The following FOXP1 variants were observed in gnomAD, a reference collection of about 807,000 sequenced individuals.
The protein encoded by FOXP1 is forkhead box P1, also known as forkhead box protein P1.
A neutral mutation model predicts 98.2 loss-of-function variants in FOXP1; 15 were observed. The ratio of observed to expected loss-of-function variants is 0.15; its 90% confidence interval spans 0.10 to 0.24. The LOEUF (loss-of-function observed/expected upper bound fraction) is 0.24. Among genes scored for constraint, FOXP1 ranks in the 10% least tolerant of loss-of-function variants. The pLI, the probability that FOXP1 is intolerant of heterozygous loss-of-function variation, is 1.00. For missense variants in FOXP1, 633 were observed against 848.5 expected (o/e 0.75, Z 3.15); for synonymous variants, 371 against 314.5 (o/e 1.18, Z -1.90).
At chr3:71,483,135 A>C (rs2090409718) in intron 3 of FOXP1, among the ~76,000 whole-genome samples, 1 of 152,070 alleles carries the variant, frequency 6.6e-6, no homozygotes, top group Admixed American at 6.6e-5. Context: ...CACCACGCCC[A>C]GCCTTACGTC....
chr3:71,348,532 T>TGTGCGTGTGTGTGTGTGC (rs369062003), intron 4 of FOXP1, among the ~76,000 whole-genome samples: 13 of 139,272 alleles, frequency 9.3e-5, no homozygotes, highest in African/African-American at 3.2e-4. Context: ...CGTGTGTGTG[T>TGTGCGTGTGTGTGTGTGC]GTGTGTGTGT....
intron 5 of FOXP1, among the ~76,000 whole-genome samples, chr3:71,288,761 G>C (rs1387168900): frequency 1.3e-5 from 2 of 152,138 alleles, no homozygotes; most frequent in Non-Finnish European, 2.9e-5. Flanking sequence ...AGGGGTGGGG[G>C]AAAATGTGGT....
At chr3:71,438,688 C>A (rs139284985) in intron 3 of FOXP1, among the ~76,000 whole-genome samples, 4 of 151,728 alleles carry the variant, frequency 2.6e-5, no homozygotes, top group African/African-American at 9.7e-5. Flanking sequence ...GCTTGGTAGG[C>A]CCATTCTGCA....
In FOXP1 at chr3:70,958,357, C is replaced by T. The variant is rs1332177615; in HGVS notation, c.*890G>A. 1.9e-6 allele frequency: 1 copy of T among 532,754 alleles called. No homozygotes were observed. Among genetic ancestry groups the T allele is most frequent in the East Asian group, 3.9e-5 (1 of 25,540 alleles). 33.0% of individuals were successfully genotyped at this position (532,754 alleles called of 1,614,324 possible). On this transcript the variant is annotated 3_prime_UTR_variant, in exon 21 of 21. Transcript: ENST00000649528. The stretch of plus-strand genomic sequence containing the variant: ...TTCTCTTTCTGGCAGGACGTCACGT[C>T]TGTGTGAGAGGGCCTTCATGTGTAG...
chr3:71,379,452 G>T (rs1295935231), intron 3 of FOXP1, among the ~76,000 whole-genome samples: 1 of 152,124 alleles, frequency 6.6e-6, no homozygotes, highest in Non-Finnish European at 1.5e-5. Context: ...AACCTCTCCA[G>T]CTCAGTTATC....
chr3:70,976,573 G>A (rs1341013484), intron 17 of FOXP1, among the ~76,000 whole-genome samples: 1 of 152,194 alleles, frequency 6.6e-6, no homozygotes, highest in Non-Finnish European at 1.5e-5. Context: ...GATCGCTGGA[G>A]ATACATCTCT....
intron 2 of FOXP1, among the ~76,000 whole-genome samples, chr3:71,561,749 A>G (rs2046558118): frequency 6.6e-6 from 1 of 152,206 alleles, no homozygotes; most frequent in African/African-American, 2.4e-5. Flanking sequence ...TGCAAATCAA[A>G]TTCTATCCCA....
intron 6 of FOXP1, among the ~76,000 whole-genome samples, chr3:71,176,318 C>T (rs899037288): frequency 7.9e-5 from 12 of 152,124 alleles, no homozygotes; most frequent in South Asian, 2.1e-4. Flanking sequence ...TTTCAGTTGT[C>T]TATAAAATAC....
intron 5 of FOXP1, among the ~76,000 whole-genome samples, chr3:71,272,559 G>A (rs1399374011): frequency 1.0e-4 from 6 of 57,496 alleles, no homozygotes; most frequent in African/African-American, 2.1e-4. Flanking sequence ...CCCCCACCCC[G>A]GGTATCTGAT....
At chr3:71,285,283 T>A (rs974361030) in intron 5 of FOXP1, among the ~76,000 whole-genome samples, 3 of 152,208 alleles carry the variant, frequency 2.0e-5, no homozygotes, top group African/African-American at 4.8e-5. Flanking sequence ...TTTGTATGAA[T>A]CAGTCGCATA....
At chr3:71,516,847 AAAAAG>A (rs1256577554) in intron 2 of FOXP1, among the ~76,000 whole-genome samples, 8 of 152,182 alleles carry the variant, frequency 5.3e-5, no homozygotes, top group African/African-American at 7.2e-5. Flanking sequence ...CTCTGTCTCA[AAAAAG>A]AAAAGAAAAG....
At chr3:71,392,848 A>AAG (rs1452961047) in intron 3 of FOXP1, among the ~76,000 whole-genome samples, 9 of 152,336 alleles carry the variant, frequency 5.9e-5, no homozygotes, top group Non-Finnish European at 1.0e-4. Context: ...TCCAAGAAGA[A>AAG]AGTTATTTTA....
chr3:71,053,920 A>AG, intron 7 of FOXP1, 147 bp from the exon 8 acceptor site: 1 of 833,784 alleles, frequency 1.2e-6, no homozygotes, highest in East Asian at 2.7e-5. Flanking sequence ...ATGCAGCAAC[A>AG]GATCCTATTT....
chr3:71,582,732 C>G (rs1032177930), intron 1 of FOXP1: 1 of 985,144 alleles, frequency 1.0e-6, no homozygotes, highest in Non-Finnish European at 1.2e-6. Context: ...GCGGACTCGT[C>G]TCGGGAAAGC....
chr3:71,303,609 T>C (rs1339184150), intron 4 of FOXP1, among the ~76,000 whole-genome samples: 3 of 152,202 alleles, frequency 2.0e-5, no homozygotes, highest in Non-Finnish European at 4.4e-5. Context: ...TCAACATATA[T>C]TTGACTATTG....
At chr3:70,973,844 C>T (rs1195724530) in intron 17 of FOXP1, among the ~76,000 whole-genome samples, 2 of 107,978 alleles carry the variant, frequency 1.9e-5, no homozygotes, top group African/African-American at 3.3e-5. Context: ...CGCCCCCCCC[C>T]CCCCACCCCC....
chr3:71,130,154 A>T (rs1442258686), intron 6 of FOXP1, among the ~76,000 whole-genome samples: 1 of 152,246 alleles, frequency 6.6e-6, no homozygotes, highest in Non-Finnish European at 1.5e-5. Context: ...AAGAAAAAGA[A>T]GGCAACACGA....
At chr3:71,067,763 C>CACACACAA (rs374096871) in intron 7 of FOXP1, among the ~76,000 whole-genome samples, 257 of 149,892 alleles carry the variant, frequency 1.7e-3, no homozygotes, top group African/African-American at 6.2e-3. Context: ...CACACACACA[C>CACACACAA]AATTAGCCAC....
intron 7 of FOXP1, among the ~76,000 whole-genome samples, chr3:71,097,809 T>C (rs748679442): frequency 6.6e-6 from 1 of 152,186 alleles, no homozygotes; most frequent in Non-Finnish European, 1.5e-5. Context: ...TTCCAGGAAA[T>C]TGAATTTCTA....
Sources: gnomAD v4.1 joint callset for allele counts (sites outside exome capture counted in the v4.1 genomes callset) on GRCh38, gnomAD v4.1.1 for gene constraint, MANE v1.5 for transcripts, NCBI Gene and HGNC (gene_info 2026-07-23, HGNC 2026-07-21) for gene names.